The following ZBTB46 variants were observed in gnomAD, a reference collection of about 807,000 sequenced individuals.
ZBTB46 encodes zinc finger and BTB domain-containing protein 46.
In ZBTB46, 8 loss-of-function variants were observed where a neutral mutation model predicts 44.1. The ratio of observed to expected loss-of-function variants is 0.18; its 90% CI spans 0.11 to 0.33. The LOEUF is 0.33. ZBTB46 is among the 10% of genes least tolerant of loss of function. The pLI is 1.00. For missense variants in ZBTB46, 651 were observed against 847.7 expected, an observed-to-expected ratio of 0.77 and a Z score of 2.88; for synonymous variants, 409 against 382.3, an observed-to-expected ratio of 1.07 and a Z score of -0.81.
intron 1 of ZBTB46, among the ~76,000 whole-genome samples, chr20:63,794,651 C>T (rs923930964): frequency 2.0e-5 from 3 of 152,232 alleles, no homozygotes; most frequent in Admixed American, 2.0e-4. Context: ...CGTGGGGCCA[C>T]GTCAACCCCA....
intron 1 of ZBTB46, among the ~76,000 whole-genome samples, chr20:63,804,320 A>G (rs955774678): frequency 2.0e-5 from 3 of 152,180 alleles, no homozygotes; most frequent in African/African-American, 7.2e-5. Context: ...GGGCCGGGGC[A>G]GCTGAGCTCC....
intron 1 of ZBTB46, among the ~76,000 whole-genome samples, chr20:63,800,782 G>A (rs909590553): frequency 2.0e-5 from 3 of 152,230 alleles, no homozygotes; most frequent in Non-Finnish European, 4.4e-5. Context: ...CTCAGGGCAG[G>A]GCTTGGGACC....
At chr20:63,784,579 C>T (rs1488888166) in intron 2 of ZBTB46, among the ~76,000 whole-genome samples, 3 of 152,202 alleles carry the variant, frequency 2.0e-5, no homozygotes, top group Non-Finnish European at 2.9e-5. Flanking sequence ...TTTGTCAAGG[C>T]CTCACCAGTC....
At chr20:63,750,850 C>G (rs2092153526) in intron 4 of ZBTB46, among the ~76,000 whole-genome samples, 2 of 151,928 alleles carry the variant, frequency 1.3e-5, no homozygotes, top group South Asian at 4.2e-4. Context: ...TTGTAGTGAG[C>G]TGTGTCACGC....
chr20:63,810,822 C>A (rs899728031), intron 1 of ZBTB46, among the ~76,000 whole-genome samples: 14 of 152,170 alleles, frequency 9.2e-5, no homozygotes, highest in Non-Finnish European at 1.9e-4. Flanking sequence ...GGTAGGATGA[C>A]GCCACAGGAA....
intron 1 of ZBTB46, among the ~76,000 whole-genome samples, chr20:63,830,523 C>A (rs2092843772): frequency 6.6e-6 from 1 of 150,436 alleles, no homozygotes; most frequent in African/African-American, 2.4e-5. Context: ...AATGACCCCC[C>A]GGCCTCAGGG....
intron 3 of ZBTB46, among the ~76,000 whole-genome samples, chr20:63,774,661 G>A (rs1012693574): frequency 6.6e-6 from 1 of 151,516 alleles, no homozygotes; most frequent in Non-Finnish European, 1.5e-5. Flanking sequence ...AGACCAGAAG[G>A]CAGCTGGCTG....
upstream of ZBTB46, chr20:63,831,291 GC>G (rs1424020695): frequency 8.6e-6 from 1 of 116,424 alleles, no homozygotes; most frequent in East Asian, 3.2e-4. Flanking sequence ...CAACCCCGCG[GC>G]CCCCGCCGCC....
chr20:63,815,337 CATAGGTGCA>C (rs1291684912), intron 1 of ZBTB46, among the ~76,000 whole-genome samples: 3 of 139,438 alleles, frequency 2.2e-5, no homozygotes, highest in East Asian at 2.2e-4. Context: ...TGCAGGTGGG[CATAGGTGCA>C]GTAGGTGCAG....
chr20:63,833,779 G>T (rs1387111715), upstream of ZBTB46, among the ~76,000 whole-genome samples: 1 of 152,190 alleles, frequency 6.6e-6, no homozygotes, highest in Non-Finnish European at 1.5e-5. Context: ...TGGAGACGAA[G>T]ACAGTATGTC....
intron 3 of ZBTB46, among the ~76,000 whole-genome samples, chr20:63,766,205 C>CTTTT (rs10525501): frequency 1.2e-5 from 1 of 81,714 alleles, no homozygotes; most frequent in Admixed American, 1.6e-4. Context: ...CTGAGAGATC[C>CTTTT]TTTTTTTTTT....
chr20:63,825,332 C>A (rs2092813703), intron 1 of ZBTB46, among the ~76,000 whole-genome samples: 1 of 146,952 alleles, frequency 6.8e-6, no homozygotes, highest in African/African-American at 2.5e-5. Flanking sequence ...ACCCGGGAGG[C>A]AGAGGTTGTA....
upstream of ZBTB46, among the ~76,000 whole-genome samples, chr20:63,832,220 G>T (rs560762036): frequency 1.2e-4 from 18 of 152,272 alleles, no homozygotes; most frequent in Admixed American, 1.0e-3. The surrounding 1 kb of genome is among the most constrained non-coding windows in gnomAD (Gnocchi z 5.0). Flanking sequence ...GTCGCTTCTC[G>T]CCTCCGCCGT....
At chr20:63,771,764 G>A (rs969985603) in intron 3 of ZBTB46, among the ~76,000 whole-genome samples, 1 of 152,240 alleles carries the variant, frequency 6.6e-6, no homozygotes, top group South Asian at 2.1e-4. Context: ...GAGGACCACA[G>A]AACTTTGGAA....
intron 1 of ZBTB46, among the ~76,000 whole-genome samples, chr20:63,798,117 T>C (rs1018446349): frequency 6.6e-6 from 1 of 152,242 alleles, no homozygotes; most frequent in Non-Finnish European, 1.5e-5. Flanking sequence ...TTCTAGGATT[T>C]TTATGGTTTT....
intron 4 of ZBTB46, among the ~76,000 whole-genome samples, chr20:63,751,474 G>A (rs1285159960): frequency 4.6e-5 from 7 of 152,142 alleles, no homozygotes; most frequent in South Asian, 2.1e-4. Context: ...AGGCAAACAC[G>A]GGGAGGCCAG....
At chr20:63,786,751 C>CGGCG (rs1383719598) in intron 2 of ZBTB46, among the ~76,000 whole-genome samples, 2 of 152,134 alleles carry the variant, frequency 1.3e-5, no homozygotes, top group Non-Finnish European at 2.9e-5. Context: ...ACCTTGTGAT[C>CGGCG]CGCCCGCCTT....
In ZBTB46 at chr20:63,804,887, G is replaced by A. The variant is rs376819927; in HGVS notation, c.-33-14097C>T. On this transcript the variant is annotated intron_variant, in intron 1 of 4. Transcript: ENST00000245663. ...AGCCTGGGCAACATAGTGAGACTCC[G>A]TCTCAAAAAAACAACAACAAAAAAA... is the stretch of plus-strand genomic sequence containing the variant. Among the ~76,000 whole-genome samples the A allele has an allele frequency of 1.4e-3, 210 of 149,236 alleles. 3 individuals are homozygous for A. The highest frequency in any genetic ancestry group is 4.9e-3 in the African/African-American group (197 of 40,570).
chr20:63,808,971 C>A (rs1297128255), intron 1 of ZBTB46, among the ~76,000 whole-genome samples: 1 of 113,414 alleles, frequency 8.8e-6, no homozygotes, highest in African/African-American at 3.5e-5. Flanking sequence ...AGCGAGACTC[C>A]GCTTCAAAAA....
Sources: allele counts gnomAD v4.1 joint callset (sites outside exome capture counted in the v4.1 genomes callset), GRCh38; gene constraint gnomAD v4.1.1; non-coding constraint Gnocchi (gnomAD v3.1); transcripts MANE v1.5; gene names NCBI Gene and HGNC (gene_info 2026-07-23, HGNC 2026-07-21).